The following RALYL variants were observed in gnomAD, a reference collection of about 807,000 sequenced individuals.
RALYL encodes the protein RNA-binding Raly-like protein.
Under a neutral mutation model 35.1 loss-of-function variants are expected in RALYL, and 29 were observed. That is an observed-to-expected ratio of 0.83 (90% CI 0.61 to 1.13). The LOEUF is 1.13. Among genes scored for constraint, RALYL ranks in the 50% most tolerant of loss-of-function variants. The pLI is 0.00. For missense variants in RALYL, 359 were observed against 360.4 expected, an observed-to-expected ratio of 1.00 and a Z score of 0.03; for synonymous variants, 120 against 127.6, an observed-to-expected ratio of 0.94 and a Z score of 0.40.
intron 2 of RALYL, among the ~76,000 whole-genome samples, chr8:84,715,058 G>T (rs373773235): frequency 2.0e-5 from 3 of 151,850 alleles, no homozygotes; most frequent in East Asian, 3.9e-4. Flanking sequence ...TTTCTAGAAA[G>T]TATCTACCTT....
intron 2 of RALYL, among the ~76,000 whole-genome samples, chr8:84,727,521 T>C (rs1207386288): frequency 6.6e-6 from 1 of 152,082 alleles, no homozygotes; most frequent in Admixed American, 6.6e-5. Flanking sequence ...GTGCACAATG[T>C]GCAGGTTAGT....
At chr8:84,859,895 C>T (rs1301082425) in intron 5 of RALYL, among the ~76,000 whole-genome samples, 14 of 152,026 alleles carry the variant, frequency 9.2e-5, no homozygotes, top group Admixed American at 9.2e-4. Flanking sequence ...TTTGAAGTAA[C>T]TCACCAAAAT....
chr8:84,284,774 T>C (rs1183554817), intron 1 of RALYL, among the ~76,000 whole-genome samples: 1 of 152,220 alleles, frequency 6.6e-6, no homozygotes, highest in Non-Finnish European at 1.5e-5. Context: ...TACTCAGTAA[T>C]AGCAGAAGAT....
At chr8:84,710,500 C>G (rs1489008463) in intron 2 of RALYL, among the ~76,000 whole-genome samples, 2 of 151,210 alleles carry the variant, frequency 1.3e-5, no homozygotes, top group Non-Finnish European at 2.9e-5. Context: ...TAGGGTTTCA[C>G]CATGTTGCCC....
intron 2 of RALYL, among the ~76,000 whole-genome samples, chr8:84,699,970 C>T (rs976734017): frequency 6.6e-6 from 1 of 152,044 alleles, no homozygotes; most frequent in Non-Finnish European, 1.5e-5. Flanking sequence ...AAATTAAAGA[C>T]ATTTTTCAAC....
chr8:84,669,012 T>C (rs1320080409), intron 2 of RALYL, among the ~76,000 whole-genome samples: 1 of 152,162 alleles, frequency 6.6e-6, no homozygotes, highest in Non-Finnish European at 1.5e-5. Flanking sequence ...CATTCATTCG[T>C]AATCATTTAC....
At chr8:84,527,106 C>T (rs760616935) in intron 1 of RALYL, among the ~76,000 whole-genome samples, 5 of 152,178 alleles carry the variant, frequency 3.3e-5, no homozygotes, top group Non-Finnish European at 7.4e-5. Flanking sequence ...TACAACAAAA[C>T]TTACTCTTAT....
At chr8:84,499,946 G>A (rs572721842) in intron 1 of RALYL, among the ~76,000 whole-genome samples, 1 of 152,078 alleles carries the variant, frequency 6.6e-6, no homozygotes, top group South Asian at 2.1e-4. Context: ...TGTAGAGCTA[G>A]GATCTGGCTA....
chr8:84,268,606 C>T (rs7000150), intron 1 of RALYL, among the ~76,000 whole-genome samples: 59,172 of 151,980 alleles, frequency 0.39, 12,063 homozygotes, highest in East Asian at 0.53. Context: ...TTAAGATACG[C>T]GGAACTACAT....
chr8:84,651,143 G>A (rs1466609883), intron 2 of RALYL, among the ~76,000 whole-genome samples: 1 of 151,814 alleles, frequency 6.6e-6, no homozygotes. Flanking sequence ...AATGGGTGCA[G>A]CACACCAGCA....
chr8:84,207,009 CA>C (rs1243176296), intron 1 of RALYL, among the ~76,000 whole-genome samples: 1 of 151,926 alleles, frequency 6.6e-6, no homozygotes, highest in Non-Finnish European at 1.5e-5. Context: ...GCAAAAAGAC[CA>C]AAAAGATAAG....
intron 7 of RALYL, among the ~76,000 whole-genome samples, chr8:84,882,018 G>A (rs1478290100): frequency 6.6e-6 from 1 of 151,920 alleles, no homozygotes; most frequent in Non-Finnish European, 1.5e-5. Flanking sequence ...TGATAAATAA[G>A]CCTACATTGC....
intron 1 of RALYL, among the ~76,000 whole-genome samples, chr8:84,215,030 CGAGT>C (rs1820448977): frequency 6.6e-6 from 1 of 151,610 alleles, no homozygotes; most frequent in Non-Finnish European, 1.5e-5. Flanking sequence ...CTCAGCCTCC[CGAGT>C]ACCTGGGACT....
chr8:84,801,470 A>C (rs1823253246), intron 3 of RALYL, among the ~76,000 whole-genome samples: 1 of 152,122 alleles, frequency 6.6e-6, no homozygotes, highest in African/African-American at 2.4e-5. Flanking sequence ...AGTTTTTTTT[A>C]ATTGAATAAC....
intron 2 of RALYL, among the ~76,000 whole-genome samples, chr8:84,656,973 C>T (rs567671907): frequency 2.0e-4 from 31 of 152,054 alleles, no homozygotes; most frequent in Non-Finnish European, 3.8e-4. Context: ...AAAATGAGCT[C>T]ACTTTAAGCA....
chr8:84,590,080 C>G (rs958753186), intron 2 of RALYL, among the ~76,000 whole-genome samples: 1 of 152,024 alleles, frequency 6.6e-6, no homozygotes, highest in African/African-American at 2.4e-5. Context: ...TATAATCTTC[C>G]TAATTCATTT....
chr8:84,537,327 G>A lies in RALYL; in HGVS notation c.256+7750G>A, dbSNP rs187690905. ...TCTGCAAAAAATACAAAAATTAGCT[G>A]GGCTTGGTGGCATGCACCTGTGATC... On this transcript the variant is annotated intron_variant, in intron 2 of 8. Transcript: ENST00000521268. Among the ~76,000 whole-genome samples, 430 of 151,872 alleles carry A rather than the reference G, an allele frequency of 2.8e-3. 1 individual carries two copies. Among genetic ancestry groups the A allele is most frequent in the African/African-American group, 1.0e-2 (414 of 41,438 alleles).
At chr8:84,203,033 A>G (rs1030630766) in intron 1 of RALYL, among the ~76,000 whole-genome samples, 5 of 152,198 alleles carry the variant, frequency 3.3e-5, no homozygotes, top group African/African-American at 7.2e-5. Flanking sequence ...AATTATTTCT[A>G]GCCACACAAC....
At chr8:84,839,591 G>A (rs1452244546) in intron 4 of RALYL, among the ~76,000 whole-genome samples, 4 of 152,232 alleles carry the variant, frequency 2.6e-5, no homozygotes, top group Non-Finnish European at 1.5e-5. Flanking sequence ...AGACTTAAAT[G>A]TCCCTGTCTG....
Sources: allele counts gnomAD v4.1 joint callset (sites outside exome capture counted in the v4.1 genomes callset), GRCh38; gene constraint gnomAD v4.1.1; transcripts MANE v1.5; gene names NCBI Gene and HGNC (gene_info 2026-07-23, HGNC 2026-07-21).